The following CSMD3 variants were observed in gnomAD, a reference collection of about 807,000 sequenced individuals.
CSMD3 encodes CUB and Sushi multiple domains 3, also known as CUB and sushi domain-containing protein 3.
CSMD3 carries 177 observed loss-of-function variants against 435.2 expected under a neutral mutation model. The ratio of observed to expected loss-of-function variants is 0.41; its 90% CI spans 0.36 to 0.46. The LOEUF (loss-of-function observed/expected upper bound fraction) is 0.46, where lower values mean the gene tolerates loss of function less well. Among genes scored for constraint, CSMD3 ranks in the 20% least tolerant of loss-of-function variants. The probability of loss-of-function intolerance (pLI) is 0.34; values close to 1 mark genes in which losing one functional copy is unlikely to be tolerated. For synonymous variants in CSMD3, 1,656 were observed against 1,520.5 expected (o/e 1.09, Z -2.07); for missense variants, 4,265 against 4,504.6 (o/e 0.95, Z 1.52).
intron 27 of CSMD3, among the ~76,000 whole-genome samples, chr8:112,535,599 A>T (rs1205530393): frequency 6.6e-6 from 1 of 152,054 alleles, no homozygotes; most frequent in Non-Finnish European, 1.5e-5. Context: ...ATAGTGCCCA[A>T]GGTAATTTAT....
chr8:113,373,496 GCA>G (rs2094359618), intron 1 of CSMD3, among the ~76,000 whole-genome samples: 1 of 151,446 alleles, frequency 6.6e-6, no homozygotes. Context: ...GTATATAAAT[GCA>G]CACAGCCCAA....
At chr8:112,846,195 T>C (rs1374434209) in intron 11 of CSMD3, among the ~76,000 whole-genome samples, 1 of 151,954 alleles carries the variant, frequency 6.6e-6, no homozygotes, top group Non-Finnish European at 1.5e-5. Flanking sequence ...TAATTCTTTT[T>C]TAACATGTTA....
At chr8:113,162,481 C>T (rs970997584) in intron 4 of CSMD3, among the ~76,000 whole-genome samples, 2 of 150,856 alleles carry the variant, frequency 1.3e-5, no homozygotes, top group Non-Finnish European at 2.9e-5. Context: ...AGGAGAATCC[C>T]TTGAACCCAG....
intron 3 of CSMD3, among the ~76,000 whole-genome samples, chr8:113,230,578 C>A (rs962027590): frequency 1.3e-5 from 2 of 151,396 alleles, no homozygotes; most frequent in East Asian, 3.9e-4. Flanking sequence ...GACCATTATA[C>A]CCTCCCACTT....
At chr8:112,796,170 A>G (rs1439419200) in intron 13 of CSMD3, among the ~76,000 whole-genome samples, 1 of 152,090 alleles carries the variant, frequency 6.6e-6, no homozygotes, top group East Asian at 1.9e-4. Context: ...ATCTCTCAAA[A>G]TCACTTAGGA....
intron 13 of CSMD3, among the ~76,000 whole-genome samples, chr8:112,732,332 G>A (rs759992864): frequency 2.0e-5 from 3 of 152,096 alleles, no homozygotes; most frequent in Non-Finnish European, 2.9e-5. Flanking sequence ...GAGTGAGAAT[G>A]CTTATTTGTT....
intron 3 of CSMD3, among the ~76,000 whole-genome samples, chr8:113,249,346 A>G (rs1563603710): frequency 6.6e-6 from 1 of 152,108 alleles, no homozygotes; most frequent in East Asian, 1.9e-4. Context: ...GCTTAGCTTA[A>G]GAACAGTGGA....
rs2131802656 is a variant in CSMD3, at chr8:112,685,454, G to A, written c.2434C>T (p.Gln812Ter). Residue 812 changes from glutamine (Q) to a stop codon, truncating the protein, a stop_gained, in exon 15 of 71, where the codon CAG (glutamine) becomes TAG (stop). Transcript: ENST00000297405. LOFTEE classifies it high-confidence loss of function. Reference sequence around the variant, plus strand: ...CGTCCTGACATTGAGTGGTCAGCCTGAAATTCCAATCGCAGTATGTGACTA... The same window carrying A: ...CGTCCTGACATTGAGTGGTCAGCCTAAAATTCCAATCGCAGTATGTGACTA... ...SNSHILRLEFQADHSMSGRGF... is the reference protein window; with the variant it reads ...SNSHILRLEF The A allele has an allele frequency of 6.2e-7, 1 of 1,613,998 alleles. No individual in the cohort carries two copies. Among genetic ancestry groups the A allele is most frequent in the Non-Finnish European group, 8.5e-7 (1 of 1,179,952 alleles).
chr8:112,627,160 A>C (rs1192644328), intron 22 of CSMD3, among the ~76,000 whole-genome samples: 6 of 152,194 alleles, frequency 3.9e-5, no homozygotes, highest in Non-Finnish European at 7.3e-5. Flanking sequence ...GTTGATGAAT[A>C]TCATACTTTC....
chr8:112,636,857 A>G lies in CSMD3; in HGVS notation c.3675T>C (p.Gly1225=). The change falls in exon 22 of 71, where the codon GGT becomes GGC. Residue 1225 remains glycine (G), a synonymous_variant. Coordinates refer to ENST00000297405, the MANE Select transcript of CSMD3 (RefSeq NM_198123.2). ...GAGGTGCACTCCACACTCGTCGGCC[A>G]CCACCAAGACAGATGATCTCTGATG... ...EGTSEIICLG[G]GRRVWSAPLP... is the part of the protein sequence containing the mutation. 1.2e-6 allele frequency: 2 copies of G among 1,613,620 alleles called. No homozygotes were observed. The highest frequency in any genetic ancestry group is 3.3e-4 in the Middle Eastern group (2 of 6,058).
chr8:113,273,325 G>C (rs1238488895), intron 3 of CSMD3, among the ~76,000 whole-genome samples: 1 of 151,556 alleles, frequency 6.6e-6, no homozygotes, highest in African/African-American at 2.4e-5. Flanking sequence ...AAATTAGCAG[G>C]ATTATGTACT....
intron 1 of CSMD3, among the ~76,000 whole-genome samples, chr8:113,372,790 C>T (rs2094354411): frequency 6.6e-6 from 1 of 151,824 alleles, no homozygotes; most frequent in Admixed American, 6.6e-5. Flanking sequence ...AAAAATTAGC[C>T]GGGCGTGGTG....
chr8:113,142,395 T>C (rs1442265540), intron 4 of CSMD3, among the ~76,000 whole-genome samples: 2 of 151,306 alleles, frequency 1.3e-5, no homozygotes, highest in Non-Finnish European at 3.0e-5. Flanking sequence ...GTAATCACAA[T>C]TGTGTGGTAT....
intron 45 of CSMD3, among the ~76,000 whole-genome samples, chr8:112,328,495 A>G (rs965550615): frequency 1.3e-5 from 2 of 152,140 alleles, no homozygotes; most frequent in Admixed American, 1.3e-4. Context: ...CTCTGCCTCT[A>G]TAAGGGAGAA....
chr8:113,358,223 C>A (rs1424027237), intron 1 of CSMD3, among the ~76,000 whole-genome samples: 1 of 152,162 alleles, frequency 6.6e-6, no homozygotes, highest in African/African-American at 2.4e-5. Flanking sequence ...AATTGTAATA[C>A]AACTAAATTA....
intron 1 of CSMD3, among the ~76,000 whole-genome samples, chr8:113,329,269 CAAAT>C (rs1170020313): frequency 2.0e-5 from 3 of 148,330 alleles, no homozygotes; most frequent in African/African-American, 7.4e-5. Flanking sequence ...AATGTCTCAC[CAAAT>C]AAATAACACT....
chr8:113,233,370 T>C (rs1339083771), intron 3 of CSMD3, among the ~76,000 whole-genome samples: 2 of 151,192 alleles, frequency 1.3e-5, no homozygotes, highest in Non-Finnish European at 3.0e-5. Context: ...AATAAAAAAG[T>C]GTATTTTAAA....
chr8:112,712,503 C>T (rs772213596), intron 13 of CSMD3, among the ~76,000 whole-genome samples: 1 of 152,008 alleles, frequency 6.6e-6, no homozygotes, highest in Non-Finnish European at 1.5e-5. Context: ...CAGGAGGCCC[C>T]GCAACTGTAG....
chr8:112,403,888 T>C (rs1281629957), intron 35 of CSMD3, among the ~76,000 whole-genome samples: 1 of 152,118 alleles, frequency 6.6e-6, no homozygotes, highest in Non-Finnish European at 1.5e-5. Flanking sequence ...GATAAGAAAA[T>C]TGGAGAGTCA....
Sources: gnomAD v4.1 joint callset for allele counts (sites outside exome capture counted in the v4.1 genomes callset) on GRCh38, gnomAD v4.1.1 for gene constraint, MANE v1.5 for transcripts, NCBI Gene and HGNC (gene_info 2026-07-23, HGNC 2026-07-21) for gene names.